Variants in NUDCD1 observed in about 807,000 individuals in gnomAD.
NUDCD1 encodes the protein NudC domain containing 1, also known as nudC domain-containing protein 1.
In NUDCD1, 60 loss-of-function variants were observed where a neutral mutation model predicts 67.8. The ratio of observed to expected loss-of-function variants is 0.88; its 90% CI spans 0.72 to 1.10. The LOEUF (loss-of-function observed/expected upper bound fraction) is 1.10, where lower values mean the gene tolerates loss of function less well. Among genes scored for constraint, NUDCD1 ranks in the 50% least tolerant of loss-of-function variants. The pLI, the probability that NUDCD1 is intolerant of heterozygous loss-of-function variation, is 0.00. For synonymous variants in NUDCD1, 244 were observed against 230.8 expected (o/e 1.06, Z -0.52); for missense variants, 643 against 695.0 (o/e 0.93, Z 0.84).
At chr8:109,258,466 C>G (rs1458926) in intron 8 of NUDCD1, among the ~76,000 whole-genome samples, 54,657 of 151,654 alleles carry the variant, frequency 0.36, 10,676 homozygotes, top group South Asian at 0.5. Flanking sequence ...GACTTCATCT[C>G]ATCTAGTGTG....
chr8:109,256,590 T>C (rs1813745073), intron 8 of NUDCD1, among the ~76,000 whole-genome samples: 2 of 152,258 alleles, frequency 1.3e-5, no homozygotes, highest in Admixed American at 1.3e-4. Context: ...AATAGAGAAA[T>C]GACATAATCT....
At chr8:109,316,297 G>A (rs1340160280) in intron 2 of NUDCD1, 1 of 152,138 alleles carries the variant, frequency 6.6e-6, no homozygotes, top group East Asian at 1.9e-4. Flanking sequence ...AAACTTTTTT[G>A]TAAGGAGAGT....
intron 1 of NUDCD1, among the ~76,000 whole-genome samples, chr8:109,332,500 G>C (rs1815831465): frequency 6.6e-6 from 1 of 152,166 alleles, no homozygotes; most frequent in Non-Finnish European, 1.5e-5. Context: ...TCTTAAACAA[G>C]CTTATAGTCT....
In NUDCD1 at chr8:109,243,099, A is replaced by T. The variant is rs1813407072; in HGVS notation, c.1662T>A (p.Asp554Glu). Residue 554 changes from aspartate to glutamate, a missense_variant, in exon 10 of 10, where the codon GAT becomes GAA. Coordinates refer to ENST00000239690, the MANE Select transcript of NUDCD1 (RefSeq NM_032869.4). ...KQQVASLETN[D>E]PILGFQATNE... ...TTGTTGCCTGAAATCCTAAAATAGG[A>T]TCATTGGTTTCTAGGCTTGCTACTT... 1 of 1,613,648 alleles carries T rather than the reference A, an allele frequency of 6.2e-7. No homozygotes were observed. Among genetic ancestry groups the T allele is most frequent in the African/African-American group, 1.3e-5 (1 of 74,896 alleles).
At chr8:109,319,534 G>A (rs1466456686) in intron 2 of NUDCD1, among the ~76,000 whole-genome samples, 1 of 152,190 alleles carries the variant, frequency 6.6e-6, no homozygotes, top group Non-Finnish European at 1.5e-5. Flanking sequence ...AGGCAAGCTT[G>A]CTAGATGACA....
chr8:109,332,299 T>C (rs1815822679), intron 1 of NUDCD1, among the ~76,000 whole-genome samples: 1 of 152,092 alleles, frequency 6.6e-6, no homozygotes, highest in Non-Finnish European at 1.5e-5. Context: ...CTGATTTGGA[T>C]TAGGGTGGAG....
chr8:109,289,759 T>A lies in NUDCD1; in HGVS notation c.815A>T (p.Lys272Ile), dbSNP rs1357972783. The part of the protein sequence containing the change: ...EENMDEDISE[K>I]IKEPLYYWQQ... Reference sequence around the variant, plus strand: ...TTAAGAATAAAAATTACCTTTGATTTTCTCTGATATGTCTTCATCCATATT... The same window carrying A: ...TTAAGAATAAAAATTACCTTTGATTATCTCTGATATGTCTTCATCCATATT... The change falls in exon 5 of 10, where the codon AAA (lysine) becomes ATA (isoleucine). Residue 272 changes from lysine (K) to isoleucine (I), a missense_variant. Lys to Ile is a moderately radical substitution (Grantham distance 102). Coordinates refer to ENST00000239690, the MANE Select transcript of NUDCD1 (RefSeq NM_032869.4). 6.8e-7 allele frequency: 1 copy of A among 1,466,720 alleles called. No individual in the cohort carries two copies. Among genetic ancestry groups the A allele is most frequent in the Non-Finnish European group, 9.4e-7 (1 of 1,062,800 alleles). 90.9% of individuals were successfully genotyped at this position (1,466,720 alleles called of 1,614,324 possible).
chr8:109,245,316 T>C lies in NUDCD1; in HGVS notation c.1459+6A>G, dbSNP rs747246000. 1 of 1,607,866 alleles carries C rather than the reference T, an allele frequency of 6.2e-7. No homozygotes were observed. ...CATGGAAAATGTCAAAGAGTTTGCT[T>C]TATACCTAAAGCATTGAAAGTTGCG... is the stretch of plus-strand genomic sequence containing the variant. On this transcript the variant is annotated splice_donor_region_variant and intron_variant, in intron 9 of 9. Transcript: ENST00000239690.
intron 4 of NUDCD1, among the ~76,000 whole-genome samples, chr8:109,290,560 C>A (rs1307666993): frequency 2.0e-5 from 3 of 152,024 alleles, no homozygotes; most frequent in African/African-American, 7.3e-5. Flanking sequence ...AAATTTATAG[C>A]AGAAATGATT....
At chr8:109,320,707 A>T (rs922910762) in intron 2 of NUDCD1, among the ~76,000 whole-genome samples, 1 of 152,202 alleles carries the variant, frequency 6.6e-6, no homozygotes, top group African/African-American at 2.4e-5. Flanking sequence ...AAATCTTTAC[A>T]ATTTATGTTT....
At chr8:109,264,471 T>G (rs917439779) in intron 8 of NUDCD1, among the ~76,000 whole-genome samples, 5 of 152,204 alleles carry the variant, frequency 3.3e-5, no homozygotes, top group Non-Finnish European at 5.9e-5. Context: ...TGAAATAGAT[T>G]AGCATTTGGA....
chr8:109,275,913 G>A (rs879531763), intron 6 of NUDCD1, among the ~76,000 whole-genome samples: 7 of 152,104 alleles, frequency 4.6e-5, no homozygotes, highest in Non-Finnish European at 1.0e-4. Flanking sequence ...ATAATTCTTT[G>A]TGTCTGGAAT....
intron 8 of NUDCD1, among the ~76,000 whole-genome samples, chr8:109,265,281 T>C (rs1813968157): frequency 6.6e-6 from 1 of 152,042 alleles, no homozygotes; most frequent in Non-Finnish European, 1.5e-5. Flanking sequence ...CTGTTTTTTA[T>C]AATAATTTAA....
At chr8:109,329,791 T>G (rs1271613450) in intron 1 of NUDCD1, 1 of 1,548,992 alleles carries the variant, frequency 6.5e-7, no homozygotes. Flanking sequence ...GAGACAAATT[T>G]ATGTCCTACT....
At chr8:109,299,519 G>A (rs1202813039) in intron 2 of NUDCD1, among the ~76,000 whole-genome samples, 3 of 152,082 alleles carry the variant, frequency 2.0e-5, no homozygotes, top group African/African-American at 7.2e-5. Context: ...ACTCAGCAGA[G>A]GCAGCCATAA....
At chr8:109,289,961 C>T in intron 4 of NUDCD1, 28 bp from the exon 5 acceptor site, 2 of 1,049,352 alleles carry the variant, frequency 1.9e-6, no homozygotes, top group Non-Finnish European at 2.7e-6. Flanking sequence ...CAGAACAAAA[C>T]ATTACAAATA....
intron 5 of NUDCD1, 31 bp downstream of exon 5, chr8:109,289,720 A>G: frequency 4.5e-6 from 5 of 1,115,142 alleles, no homozygotes; most frequent in Non-Finnish European, 6.6e-6. Flanking sequence ...TTATGAAAAT[A>G]CCAATAAGCT....
chr8:109,304,506 G>A (rs1017358252), intron 2 of NUDCD1, among the ~76,000 whole-genome samples: 1 of 152,126 alleles, frequency 6.6e-6, no homozygotes, highest in Non-Finnish European at 1.5e-5. Flanking sequence ...CTACCTCTCA[G>A]CAAGCTGAAC....
intron 5 of NUDCD1, among the ~76,000 whole-genome samples, chr8:109,282,670 C>T (rs1814474951): frequency 7.1e-6 from 1 of 140,242 alleles, no homozygotes; most frequent in South Asian, 2.5e-4. Context: ...ACATCACACA[C>T]CGGGGTTGTC....
Sources: gnomAD v4.1 joint callset for allele counts (sites outside exome capture counted in the v4.1 genomes callset) on GRCh38, gnomAD v4.1.1 for gene constraint, MANE v1.5 for transcripts, NCBI Gene and HGNC (gene_info 2026-07-23, HGNC 2026-07-21) for gene names.